Variants in RALYL observed in about 807,000 individuals in gnomAD.
RALYL encodes RALY RNA binding protein like, also known as RNA-binding Raly-like protein.
Under a neutral mutation model 35.1 loss-of-function variants are expected in RALYL, and 29 were observed. That is an observed-to-expected ratio of 0.83 (90% CI 0.61 to 1.13). RALYL has a LOEUF of 1.13. Ranked by LOEUF, RALYL falls within the 50% of genes most tolerant of loss-of-function variation. The probability of loss-of-function intolerance (pLI) is 0.00; values close to 1 mark genes in which losing one functional copy is unlikely to be tolerated. For missense variants in RALYL, 359 were observed against 360.4 expected (o/e 1.00, Z 0.03); for synonymous variants, 120 against 127.6 (o/e 0.94, Z 0.40).
intron 2 of RALYL, among the ~76,000 whole-genome samples, chr8:84,540,758 T>C (rs2059967608): frequency 6.6e-6 from 1 of 152,092 alleles, no homozygotes; most frequent in Non-Finnish European, 1.5e-5. Context: ...TCATAACATT[T>C]GGATAATCCA....
chr8:84,740,713 A>G (rs1807101216), intron 2 of RALYL, among the ~76,000 whole-genome samples: 1 of 152,176 alleles, frequency 6.6e-6, no homozygotes, highest in African/African-American at 2.4e-5. Context: ...CCAGAGGTTA[A>G]AAATGAACCA....
intron 2 of RALYL, among the ~76,000 whole-genome samples, chr8:84,761,999 A>C (rs1342898565): frequency 6.6e-6 from 1 of 152,052 alleles, no homozygotes; most frequent in East Asian, 1.9e-4. Flanking sequence ...TTAGCCGTGC[A>C]TTATCTATGG....
At chr8:84,253,187 T>TG (rs1830549002) in intron 1 of RALYL, among the ~76,000 whole-genome samples, 1 of 123,864 alleles carries the variant, frequency 8.1e-6, no homozygotes, top group Non-Finnish European at 1.7e-5. Context: ...TTTTTTTTTT[T>TG]TTTTTTTTTT....
rs182900168 is a variant in RALYL at position 84,513,701 on chromosome 8, A to G, written c.-23-15598A>G. Among the ~76,000 whole-genome samples, 94 of 152,234 alleles carry G rather than the reference A, an allele frequency of 6.2e-4. 1 individual carries two copies. Among genetic ancestry groups the G allele is most frequent in the African/African-American group, 2.0e-3 (83 of 41,562 alleles). On this transcript the variant is annotated intron_variant, in intron 1 of 8. Transcript: ENST00000521268. ...ATTCTATAATTGTTTCCTATTGTTA[A>G]TCACTATAATAGGTAGGTAACATTG...
intron 1 of RALYL, among the ~76,000 whole-genome samples, chr8:84,477,126 A>T (rs958926815): frequency 6.6e-6 from 1 of 151,968 alleles, no homozygotes; most frequent in African/African-American, 2.4e-5. Context: ...TACCAATCTG[A>T]CTCATACTTT....
chr8:84,661,614 TTTTATTTTA>T (rs138489164), intron 2 of RALYL, among the ~76,000 whole-genome samples: 10,022 of 148,110 alleles, frequency 0.068, 805 homozygotes, highest in African/African-American at 0.19. Context: ...TCGTGCTACA[TTTTATTTTA>T]TTTATTTTAT....
At chr8:84,207,782 T>C (rs1356360760) in intron 1 of RALYL, among the ~76,000 whole-genome samples, 1 of 151,228 alleles carries the variant, frequency 6.6e-6, no homozygotes, top group Non-Finnish European at 1.5e-5. Context: ...ACCTTGACTG[T>C]GATAATCATT....
intron 2 of RALYL, among the ~76,000 whole-genome samples, chr8:84,718,824 C>G (rs1843369385): frequency 6.6e-6 from 1 of 151,932 alleles, no homozygotes; most frequent in African/African-American, 2.4e-5. Context: ...TTTTAAAAAG[C>G]AAGGCATTTC....
At chr8:84,767,215 A>G (rs766888743) in intron 2 of RALYL, among the ~76,000 whole-genome samples, 2 of 152,172 alleles carry the variant, frequency 1.3e-5, no homozygotes, top group Non-Finnish European at 2.9e-5. Flanking sequence ...CATTTGCTTC[A>G]TCTCATTTGC....
intron 1 of RALYL, among the ~76,000 whole-genome samples, chr8:84,425,433 G>A (rs906578812): frequency 2.6e-5 from 4 of 152,148 alleles, no homozygotes; most frequent in Non-Finnish European, 4.4e-5. Flanking sequence ...TCACCCACTG[G>A]CCTGCGCCCA....
intron 1 of RALYL, among the ~76,000 whole-genome samples, chr8:84,428,463 G>C (rs547025177): frequency 3.8e-4 from 58 of 152,146 alleles, no homozygotes; most frequent in Non-Finnish European, 6.8e-4. Flanking sequence ...TATTTTTCTT[G>C]AGTAGGGTTG....
intron 2 of RALYL, among the ~76,000 whole-genome samples, chr8:84,677,223 A>C (rs1221406048): frequency 6.6e-6 from 1 of 152,194 alleles, no homozygotes; most frequent in East Asian, 1.9e-4. Context: ...CCGAGTTGTC[A>C]ATGTCCCAGA....
intron 1 of RALYL, among the ~76,000 whole-genome samples, chr8:84,197,919 A>G (rs1815782247): frequency 6.6e-6 from 1 of 152,148 alleles, no homozygotes; most frequent in African/African-American, 2.4e-5. Flanking sequence ...ATGACAATAC[A>G]GTTTATCTTA....
chr8:84,600,632 C>T (rs1293578200), intron 2 of RALYL, among the ~76,000 whole-genome samples: 1 of 152,134 alleles, frequency 6.6e-6, no homozygotes, highest in Non-Finnish European at 1.5e-5. Context: ...CTTTGGGACT[C>T]TGTGCACAGC....
chr8:84,578,522 G>T (rs368064718), intron 2 of RALYL, among the ~76,000 whole-genome samples: 1 of 152,220 alleles, frequency 6.6e-6, no homozygotes, highest in Non-Finnish European at 1.5e-5. Flanking sequence ...CAACTGGTAG[G>T]TGAGAAAGGT....
At chr8:84,742,764 T>G (rs1045392634) in intron 2 of RALYL, among the ~76,000 whole-genome samples, 4 of 152,000 alleles carry the variant, frequency 2.6e-5, no homozygotes. Context: ...CATATTGGTT[T>G]TGGTGAAGTG....
intron 2 of RALYL, among the ~76,000 whole-genome samples, chr8:84,595,638 G>A (rs1164212201): frequency 2.6e-5 from 4 of 151,884 alleles, no homozygotes; most frequent in South Asian, 2.1e-4. Context: ...AAAAAAGGAG[G>A]CCCTCTACAA....
chr8:84,521,173 T>A (rs906814933), intron 1 of RALYL, among the ~76,000 whole-genome samples: 1 of 152,164 alleles, frequency 6.6e-6, no homozygotes, highest in Non-Finnish European at 1.5e-5. Flanking sequence ...TAATAGGAAT[T>A]GTGCCCTTAT....
At chr8:84,792,647 C>T (rs1177046987) in intron 3 of RALYL, among the ~76,000 whole-genome samples, 1 of 152,162 alleles carries the variant, frequency 6.6e-6, no homozygotes, top group Non-Finnish European at 1.5e-5. Context: ...GTGTTCTGTC[C>T]ATATCAACAG....
Sources: gnomAD v4.1 joint callset for allele counts (sites outside exome capture counted in the v4.1 genomes callset) on GRCh38, gnomAD v4.1.1 for gene constraint, MANE v1.5 for transcripts, NCBI Gene and HGNC (gene_info 2026-07-23, HGNC 2026-07-21) for gene names.